Variants in STK3 observed in about 807,000 individuals in gnomAD.
The protein encoded by STK3 is serine/threonine-protein kinase 3.
STK3 carries 41 observed loss-of-function variants against 58.0 expected under a neutral mutation model. The observed-to-expected ratio is 0.71, with a 90% CI of 0.55 to 0.92. The LOEUF (loss-of-function observed/expected upper bound fraction) is 0.92, where lower values mean the gene tolerates loss of function less well. Ranked by LOEUF, STK3 falls within the 40% of genes least tolerant of loss-of-function variation. STK3 has a pLI of 0.00. For synonymous variants in STK3, 170 were observed against 191.0 expected (o/e 0.89, Z 0.91); for missense variants, 479 against 602.7 (o/e 0.79, Z 2.15).
At chr8:98,511,993 T>G in intron 10 of STK3, among the ~76,000 whole-genome samples, 1 of 152,134 alleles carries the variant, frequency 6.6e-6, no homozygotes, top group East Asian at 1.9e-4. Flanking sequence ...TATTACACTT[T>G]AAGTTTTAGG....
intron 1 of STK3, among the ~76,000 whole-genome samples, chr8:98,384,404 T>G (rs1563588994): frequency 6.6e-6 from 1 of 152,256 alleles, no homozygotes; most frequent in Non-Finnish European, 1.5e-5. Context: ...TGTCTTTCAT[T>G]GCTTCGTTCT....
intron 6 of STK3, among the ~76,000 whole-genome samples, chr8:98,614,894 G>T (rs551272712): frequency 1.3e-5 from 2 of 152,300 alleles, no homozygotes; most frequent in Middle Eastern, 3.4e-3. Flanking sequence ...AGGGGAGCCC[G>T]CCATTGCCCG....
At chr8:98,591,744 G>A (rs1815334674) in intron 7 of STK3, among the ~76,000 whole-genome samples, 1 of 152,178 alleles carries the variant, frequency 6.6e-6, no homozygotes, top group Non-Finnish European at 1.5e-5. Flanking sequence ...ACAATGAATT[G>A]CATAAAAGCA....
chr8:98,736,186 T>A (rs1215796571), intron 4 of STK3, among the ~76,000 whole-genome samples: 1 of 152,150 alleles, frequency 6.6e-6, no homozygotes, highest in East Asian at 1.9e-4. Flanking sequence ...ACCCAATTAA[T>A]TAATCAATGA....
chr8:98,426,163 G>A (rs1171819419), intron 3 of STK3, among the ~76,000 whole-genome samples: 1 of 152,036 alleles, frequency 6.6e-6, no homozygotes. Flanking sequence ...CAAGCACACC[G>A]CTCTCAACAT....
chr8:98,695,197 G>GT (rs887356631), intron 6 of STK3, among the ~76,000 whole-genome samples: 2 of 151,966 alleles, frequency 1.3e-5, no homozygotes, highest in African/African-American at 4.8e-5. Context: ...TGATGGGGTT[G>GT]TTTTTTTCTT....
intron 10 of STK3, among the ~76,000 whole-genome samples, chr8:98,488,408 C>A (rs1300651117): frequency 3.3e-5 from 5 of 152,170 alleles, no homozygotes; most frequent in African/African-American, 1.2e-4. Context: ...AAAAGATAGA[C>A]AATGGTACAA....
chr8:98,776,720 G>A (rs1386418315), intron 1 of STK3, among the ~76,000 whole-genome samples: 2 of 151,558 alleles, frequency 1.3e-5, no homozygotes, highest in Non-Finnish European at 2.9e-5. Context: ...GATGAACAAG[G>A]CAATGACTTT....
upstream of STK3, among the ~76,000 whole-genome samples, chr8:98,389,354 G>A (rs116540335): frequency 8.9e-3 from 1,359 of 152,226 alleles, 24 homozygotes; most frequent in African/African-American, 0.031. Flanking sequence ...AAGGACTCTC[G>A]ACAACAGGGA....
chr8:98,409,563 A>G (rs1563595010), intron 3 of STK3, among the ~76,000 whole-genome samples: 2 of 152,232 alleles, frequency 1.3e-5, no homozygotes, highest in African/African-American at 2.4e-5. Flanking sequence ...TATCAGTTCA[A>G]CCAAAAGCAA....
At chr8:98,828,159 A>G (rs917885419), upstream of STK3, among the ~76,000 whole-genome samples, 1 of 151,946 alleles carries the variant, frequency 6.6e-6, no homozygotes, top group East Asian at 1.9e-4. Flanking sequence ...TGTTTTTAGT[A>G]GAGACAGGGT....
chr8:98,856,710 G>A (rs949018924), intron 3 of STK3, among the ~76,000 whole-genome samples: 1 of 152,188 alleles, frequency 6.6e-6, no homozygotes, highest in African/African-American at 2.4e-5. Context: ...TTAGGTATAT[G>A]CCCAAGAGAA....
At chr8:98,923,806 G>C (rs911876958) in intron 1 of STK3, among the ~76,000 whole-genome samples, 2 of 151,020 alleles carry the variant, frequency 1.3e-5, no homozygotes, top group Admixed American at 1.3e-4. Flanking sequence ...CTGTGTATAT[G>C]CAGGTTACAG....
At chr8:98,344,499 C>T in the STK3 span, among the ~76,000 whole-genome samples, 2 of 152,196 alleles carry the variant, frequency 1.3e-5, no homozygotes, top group Admixed American at 6.5e-5. Flanking sequence ...GCCTTTTAAT[C>T]CCCTTGGCAA....
chr8:98,627,496 G>GAAAA (rs71572020), intron 6 of STK3, among the ~76,000 whole-genome samples: 1 of 101,004 alleles, frequency 9.9e-6, no homozygotes, highest in Non-Finnish European at 2.0e-5. Flanking sequence ...AAAGAAAAAA[G>GAAAA]AAAAAAAAAA....
intron 6 of STK3, among the ~76,000 whole-genome samples, chr8:98,607,417 G>C (rs1211300515): frequency 6.6e-6 from 1 of 152,142 alleles, no homozygotes; most frequent in Non-Finnish European, 1.5e-5. Context: ...TGAAGACAGT[G>C]GAACAAAACT....
chr8:98,780,200 T>A (rs1264817746), intron 1 of STK3, among the ~76,000 whole-genome samples: 1 of 151,788 alleles, frequency 6.6e-6, no homozygotes, highest in Non-Finnish European at 1.5e-5. Flanking sequence ...TATATACATA[T>A]ACACTGATTT....
intron 1 of STK3, among the ~76,000 whole-genome samples, chr8:98,911,903 C>G (rs1839152136): frequency 6.6e-6 from 1 of 151,998 alleles, no homozygotes; most frequent in Non-Finnish European, 1.5e-5. Context: ...TGCTTTCCAC[C>G]CTTGAAATAT....
chr8:98,536,323 C>T (rs6993159), intron 9 of STK3, among the ~76,000 whole-genome samples: 2,636 of 152,162 alleles, frequency 0.017, 76 homozygotes, highest in African/African-American at 0.061. Flanking sequence ...TATGGTGGCT[C>T]ATACCTCTAA....
Sources: allele counts gnomAD v4.1 joint callset (sites outside exome capture counted in the v4.1 genomes callset), GRCh38; gene constraint gnomAD v4.1.1; transcripts MANE v1.5; gene names NCBI Gene and HGNC (gene_info 2026-07-23, HGNC 2026-07-21).